The following PRKG1 variants were observed in gnomAD, a reference collection of about 807,000 sequenced individuals.
PRKG1 encodes the protein cGMP-dependent protein kinase 1.
Under a neutral mutation model 88.1 loss-of-function variants are expected in PRKG1, and 35 were observed. That is an observed-to-expected ratio of 0.40 (90% confidence interval 0.30 to 0.53). The LOEUF is 0.53. Ranked by LOEUF, PRKG1 falls within the 20% of genes least tolerant of loss-of-function variation. The pLI is 0.59. For synonymous variants in PRKG1, 303 were observed against 292.5 expected, an observed-to-expected ratio of 1.04 and a Z score of -0.37; for missense variants, 540 against 839.8, an observed-to-expected ratio of 0.64 and a Z score of 4.41.
chr10:51,132,871 G>A (rs1845604698), intron 1 of PRKG1, among the ~76,000 whole-genome samples: 1 of 151,836 alleles, frequency 6.6e-6, no homozygotes, highest in Non-Finnish European at 1.5e-5. Context: ...ATTTAATTAT[G>A]CCACATCATA....
chr10:51,916,614 G>T (rs1365564479), intron 5 of PRKG1, among the ~76,000 whole-genome samples: 1 of 152,104 alleles, frequency 6.6e-6, no homozygotes, highest in Non-Finnish European at 1.5e-5. Context: ...CTCTCTTGGG[G>T]TCTGGATCAG....
intron 2 of PRKG1, among the ~76,000 whole-genome samples, chr10:51,462,549 T>C (rs888327771): frequency 1.3e-5 from 2 of 152,166 alleles, no homozygotes; most frequent in African/African-American, 2.4e-5. Context: ...ATGTGTATAG[T>C]GGTGCCAAAA....
chr10:51,605,789 G>C (rs185822580), intron 3 of PRKG1, among the ~76,000 whole-genome samples: 1 of 152,268 alleles, frequency 6.6e-6, no homozygotes, highest in East Asian at 1.9e-4. Flanking sequence ...CAATTTTGGG[G>C]GAGCCAATAG....
intron 4 of PRKG1, among the ~76,000 whole-genome samples, chr10:51,814,825 A>C (rs1358951725): frequency 6.6e-6 from 1 of 152,192 alleles, no homozygotes; most frequent in African/African-American, 2.4e-5. Context: ...ATTATAGGCT[A>C]ATTTTTAAAA....
chr10:51,335,876 G>A (rs1164096828), intron 2 of PRKG1, among the ~76,000 whole-genome samples: 1 of 152,162 alleles, frequency 6.6e-6, no homozygotes, highest in Non-Finnish European at 1.5e-5. Flanking sequence ...TTTATGAATG[G>A]ATTAAGTTTC....
chr10:51,443,199 G>C (rs935592022), intron 2 of PRKG1, among the ~76,000 whole-genome samples: 4 of 152,020 alleles, frequency 2.6e-5, no homozygotes, highest in Non-Finnish European at 5.9e-5. Context: ...ACAGTCTGCA[G>C]GCCAAATCTG....
chr10:51,958,022 C>T (rs1367764511), intron 5 of PRKG1, among the ~76,000 whole-genome samples: 1 of 151,782 alleles, frequency 6.6e-6, no homozygotes, highest in Admixed American at 6.6e-5. Flanking sequence ...ATAATTTTTA[C>T]CTTAGATTTT....
chr10:51,938,560 T>C (rs1258378420), intron 5 of PRKG1, among the ~76,000 whole-genome samples: 1 of 152,024 alleles, frequency 6.6e-6, no homozygotes, highest in African/African-American at 2.4e-5. Flanking sequence ...ATCTTAAGCA[T>C]TCCTTTCTTC....
intron 2 of PRKG1, among the ~76,000 whole-genome samples, chr10:51,374,092 AAAT>A (rs1842761236): frequency 7.6e-6 from 1 of 131,466 alleles, no homozygotes; most frequent in Non-Finnish European, 1.7e-5. Flanking sequence ...CAAAAAAAAA[AAAT>A]ATATATATAT....
At chr10:52,025,413 C>A (rs771973671) in intron 5 of PRKG1, among the ~76,000 whole-genome samples, 3 of 152,092 alleles carry the variant, frequency 2.0e-5, no homozygotes, top group Admixed American at 6.6e-5. Flanking sequence ...TGCCTATGTC[C>A]TGAATGGTAT....
intron 5 of PRKG1, among the ~76,000 whole-genome samples, chr10:51,972,645 T>G (rs753604738): frequency 5.0e-4 from 76 of 152,182 alleles, no homozygotes; most frequent in Admixed American, 1.0e-3. Flanking sequence ...TCATCTGCTT[T>G]TATATTTTTT....
At chr10:51,754,996 A>G (rs1837820484) in intron 3 of PRKG1, among the ~76,000 whole-genome samples, 1 of 140,934 alleles carries the variant, frequency 7.1e-6, no homozygotes, top group Non-Finnish European at 1.6e-5. Flanking sequence ...TTGGAATAAC[A>G]TCAGAACTCA....
intron 4 of PRKG1, among the ~76,000 whole-genome samples, chr10:51,879,889 C>T (rs551052948): frequency 2.6e-5 from 4 of 152,274 alleles, no homozygotes; most frequent in East Asian, 3.9e-4. Context: ...AATCCCACAG[C>T]GGGCCACTAT....
intron 5 of PRKG1, among the ~76,000 whole-genome samples, chr10:51,923,495 C>T (rs1194720981): frequency 1.3e-5 from 2 of 149,640 alleles, no homozygotes; most frequent in East Asian, 1.9e-4. Flanking sequence ...ATAATATTGA[C>T]ATAATATGCT....
chr10:52,216,733 G>T (rs1160063449), intron 9 of PRKG1, among the ~76,000 whole-genome samples: 2 of 152,224 alleles, frequency 1.3e-5, no homozygotes, highest in South Asian at 4.2e-4. Flanking sequence ...TTTTGGTGCG[G>T]TTTTTTAAGA....
At chr10:51,426,239 C>A (rs927975587) in intron 2 of PRKG1, among the ~76,000 whole-genome samples, 2 of 152,106 alleles carry the variant, frequency 1.3e-5, no homozygotes, top group Non-Finnish European at 2.9e-5. Context: ...CGAGATCATG[C>A]GACTGTACTC....
chr10:51,766,037 C>A (rs543446255), intron 3 of PRKG1, among the ~76,000 whole-genome samples: 1 of 151,972 alleles, frequency 6.6e-6, no homozygotes, highest in Non-Finnish European at 1.5e-5. Flanking sequence ...GCAGTCACAC[C>A]AATGCACCAC....
chr10:51,949,647 A>T (rs943992563), intron 5 of PRKG1, among the ~76,000 whole-genome samples: 3 of 152,274 alleles, frequency 2.0e-5, no homozygotes, highest in African/African-American at 7.2e-5. Context: ...GCTAGAGTAC[A>T]GCCTGATTAT....
At chr10:51,332,771 C>G (rs1455974625) in intron 2 of PRKG1, among the ~76,000 whole-genome samples, 1 of 152,116 alleles carries the variant, frequency 6.6e-6, no homozygotes, top group Admixed American at 6.5e-5. Flanking sequence ...TAGAAGGAAC[C>G]ACGATTTGGG....
Sources: allele counts gnomAD v4.1 joint callset (sites outside exome capture counted in the v4.1 genomes callset), GRCh38; gene constraint gnomAD v4.1.1; transcripts MANE v1.5; gene names NCBI Gene and HGNC (gene_info 2026-07-23, HGNC 2026-07-21).